Variants in MYH9 observed in about 807,000 individuals in gnomAD.
The protein encoded by MYH9 is myosin heavy chain 9, also known as myosin-9.
A neutral mutation model predicts 241.9 loss-of-function variants in MYH9; 29 were observed. That is an observed-to-expected ratio of 0.12 (90% confidence interval 0.09 to 0.16). MYH9 has a LOEUF of 0.16. MYH9 is among the 10% of genes least tolerant of loss of function. The probability of loss-of-function intolerance (pLI) is 1.00; values close to 1 mark genes in which losing one functional copy is unlikely to be tolerated. For missense variants in MYH9, 1,803 were observed against 2,595.5 expected (o/e 0.69, Z 6.63); for synonymous variants, 1,047 against 1,062.6 (o/e 0.99, Z 0.29).
At chr22:36,290,989 G>A (rs952337307) in intron 31 of MYH9, among the ~76,000 whole-genome samples, 33 of 150,598 alleles carry the variant, frequency 2.2e-4, no homozygotes, top group African/African-American at 7.1e-4. Context: ...CCCTCCGCCC[G>A]GCGGCCACCC....
intron 21 of MYH9, 25 bp downstream of exon 21, chr22:36,301,509 G>A: frequency 6.2e-7 from 1 of 1,611,980 alleles, no homozygotes; most frequent in Admixed American, 1.7e-5. Flanking sequence ...CGTGCGACCT[G>A]GACTGAGCCT....
intron 2 of MYH9, 74 bp downstream of exon 2, chr22:36,348,829 AT>A: frequency 3.6e-6 from 4 of 1,117,670 alleles, no homozygotes; most frequent in Non-Finnish European, 5.1e-6. Flanking sequence ...CGTGAGGGTG[AT>A]GGGAAGACCC....
chr22:36,360,870 C>T lies in MYH9; in HGVS notation c.-19-11615G>A, dbSNP rs564708499. Among the ~76,000 whole-genome samples, 98 of 152,298 alleles carry T rather than the reference C, an allele frequency of 6.4e-4. 1 individual carries two copies. The highest frequency in any genetic ancestry group is 1.0e-3 in the Non-Finnish European group (69 of 68,034). On this transcript the variant is annotated intron_variant, in intron 1 of 40. Coordinates refer to ENST00000216181, the MANE Select transcript of MYH9 (RefSeq NM_002473.6). ...GCAGAAGAGCTGGATTTGAGTCCAG[C>T]GAGGTGCTGACCAGCTGTGCAATCC...
rs960213098 is a variant in MYH9 at position 36,354,505 on chromosome 22, C to T, written c.-19-5250G>A. Among the ~76,000 whole-genome samples the T allele has an allele frequency of 7.6e-4, 115 of 150,960 alleles. 1 individual carries two copies. Among genetic ancestry groups the T allele is most frequent in the Non-Finnish European group, 4.4e-5 (3 of 67,836 alleles). Reference sequence around the variant, plus strand: ...TATCACCCAGGCTGGAGTGCAGTGGCGTGATCTCAGCTCACTGCAACCTCC... The same window carrying T: ...TATCACCCAGGCTGGAGTGCAGTGGTGTGATCTCAGCTCACTGCAACCTCC... On this transcript the variant is annotated intron_variant, in intron 1 of 40. Transcript: ENST00000216181.
chr22:36,282,489 G>A lies in MYH9; in HGVS notation c.*179C>T. ...GGAGCTGGAAGGGGATGCAGCAGAG[G>A]AAGCCAAATGCCCTCAACAACACCT... On this transcript the variant is annotated 3_prime_UTR_variant, in exon 41 of 41. Coordinates refer to ENST00000216181, the MANE Select transcript of MYH9 (RefSeq NM_002473.6). 3 of 744,662 alleles carry A rather than the reference G, an allele frequency of 4.0e-6. No homozygotes were observed. Among genetic ancestry groups the A allele is most frequent in the Non-Finnish European group, 4.9e-6 (2 of 409,438 alleles). 46.1% of individuals were successfully genotyped at this position (744,662 alleles called of 1,614,324 possible). A position where few individuals can be genotyped will look rare whatever the true frequency, so the allele number is the denominator to read the frequency against.
At chr22:36,372,688 A>T (rs2018106689) in intron 1 of MYH9, among the ~76,000 whole-genome samples, 1 of 152,084 alleles carries the variant, frequency 6.6e-6, no homozygotes, top group Non-Finnish European at 1.5e-5. Context: ...GGACGCAAGG[A>T]GCTCGGCAAA....
Position 36,282,563 on chromosome 22 carries a change from T to C in MYH9, c.*105A>G. On this transcript the variant is annotated 3_prime_UTR_variant, in exon 41 of 41. Transcript: ENST00000216181. ...GGGGCGGAGGGCAGGAGGAGGCATG[T>C]TCACAGCAGTCCCAAGAAGGTGGGG... 1 of 1,073,298 alleles carries C rather than the reference T, an allele frequency of 9.3e-7. No homozygotes were observed. The allele number at this position is 1,073,298 out of a possible 1,614,324, so 66.5% of individuals were successfully genotyped here.
chr22:36,352,184 C>T (rs534758050), intron 1 of MYH9, among the ~76,000 whole-genome samples: 4 of 152,276 alleles, frequency 2.6e-5, no homozygotes, highest in Admixed American at 2.0e-4. Flanking sequence ...ACTGTCCCCA[C>T]GAGCTGAGTG....
chr22:36,292,732 C>T (rs2016726748), intron 30 of MYH9, among the ~76,000 whole-genome samples: 1 of 152,264 alleles, frequency 6.6e-6, no homozygotes, highest in Non-Finnish European at 1.5e-5. Context: ...GGATCTAGAG[C>T]AGGGGCTCTG....
rs771169790 is a variant in MYH9 at position 36,288,927 on chromosome 22, C to G, written c.4570G>C (p.Glu1524Gln). The G allele has an allele frequency of 5.6e-6, 9 of 1,613,824 alleles. No homozygotes were observed. Among genetic ancestry groups the G allele is most frequent in the Non-Finnish European group, 7.6e-6 (9 of 1,180,034 alleles). The change falls in exon 33 of 41, where the codon GAG becomes CAG. Residue 1524 changes from glutamate (E) to glutamine (Q), a missense_variant. Around this residue, in one of 11 missense-constraint regions of MYH9, gnomAD observed 876 missense variants for 1,077.8 expected, o/e 0.81. Transcript: ENST00000216181. The surrounding 1 kb of genome is among the most constrained non-coding windows in gnomAD (Gnocchi z 4.8). ...DDVGKSVHEL[E>Q]KSKRALEQQV... ...TGCTCTAGGGCCCGCTTGGACTTCT[C>G]CAGCTCGTGGACCTGAGCCCCAGAG...
intron 1 of MYH9, among the ~76,000 whole-genome samples, chr22:36,378,847 T>G (rs2018212233): frequency 6.6e-6 from 1 of 152,244 alleles, no homozygotes; most frequent in South Asian, 2.1e-4. Flanking sequence ...GAGTCACCAT[T>G]TAGAAAACAC....
chr22:36,302,448 G>T (rs1383717207), intron 20 of MYH9, 120 bp downstream of exon 20: 4 of 876,400 alleles, frequency 4.6e-6, no homozygotes, highest in Non-Finnish European at 7.4e-6. Context: ...AAGAGTTTGT[G>T]ACCAACCTGG....
At chr22:36,381,452 G>A (rs185281425) in intron 1 of MYH9, among the ~76,000 whole-genome samples, 1 of 151,560 alleles carries the variant, frequency 6.6e-6, no homozygotes, top group East Asian at 1.9e-4. Flanking sequence ...AGGAGGTGGA[G>A]GTTGCAGTGA....
intron 11 of MYH9, among the ~76,000 whole-genome samples, chr22:36,317,478 C>T (rs1048315247): frequency 3.3e-5 from 5 of 152,148 alleles, no homozygotes; most frequent in Non-Finnish European, 5.9e-5. Context: ...GAATAATACG[C>T]GATGTCTTTT....
intron 25 of MYH9, 78 bp downstream of exon 25, chr22:36,296,765 C>G (rs1255448603): frequency 6.8e-7 from 1 of 1,460,534 alleles, no homozygotes; most frequent in Non-Finnish European, 9.1e-7. Context: ...CTCACTAGTG[C>G]CGAGAACTAG....
intron 40 of MYH9, among the ~76,000 whole-genome samples, chr22:36,283,808 G>A (rs1275531173): frequency 6.6e-6 from 1 of 152,224 alleles, no homozygotes; most frequent in Non-Finnish European, 1.5e-5. Context: ...ATATTTAACT[G>A]AGGCACCTAA....
chr22:36,355,933 T>C (rs1245849080), intron 1 of MYH9, among the ~76,000 whole-genome samples: 1 of 152,138 alleles, frequency 6.6e-6, no homozygotes, highest in Non-Finnish European at 1.5e-5. Flanking sequence ...AGGGACTCCA[T>C]CCTTCCGACC....
chr22:36,304,826 A>C (rs1008300292), intron 18 of MYH9, among the ~76,000 whole-genome samples: 1 of 152,210 alleles, frequency 6.6e-6, no homozygotes, highest in African/African-American at 2.4e-5. Flanking sequence ...CCTCCACACA[A>C]CCCTGGTGCC....
chr22:36,288,989 G>T lies in MYH9; in HGVS notation c.4558-50C>A, dbSNP rs1028802926. On this transcript the variant is annotated intron_variant, in intron 32 of 40. Transcript: ENST00000216181. This position sits in a 1 kb window ranked among gnomAD's most constrained non-coding sequence, Gnocchi z 4.8. ...GGAGCAAAGGGACTGGCAGGTACCT[G>T]GGTCTGCGCGACCCGGAGTCTGTGC... The T allele has an allele frequency of 1.2e-6, 2 of 1,612,726 alleles. No individual in the cohort carries two copies. The highest frequency in any genetic ancestry group is 1.7e-5 in the Admixed American group (1 of 60,028).
Sources: gnomAD v4.1 joint callset for allele counts (sites outside exome capture counted in the v4.1 genomes callset) on GRCh38, gnomAD v4.1.1 for gene constraint, gnomAD v4.1.1 regional missense constraint, Gnocchi (gnomAD v3.1) non-coding constraint, MANE v1.5 for transcripts, NCBI Gene and HGNC (gene_info 2026-07-23, HGNC 2026-07-21) for gene names.